Variants in CEP128 observed in about 807,000 individuals in gnomAD.
CEP128 encodes the protein centrosomal protein 128kDa.
Under a neutral mutation model 156.7 loss-of-function variants are expected in CEP128, and 132 were observed. The ratio of observed to expected loss-of-function variants is 0.84; its 90% CI spans 0.73 to 0.97. The LOEUF is 0.97. CEP128 is among the 50% of genes least tolerant of loss of function. The pLI is 0.00. For missense variants in CEP128, 1,252 were observed against 1,281.9 expected, an observed-to-expected ratio of 0.98 and a Z score of 0.36; for synonymous variants, 469 against 448.9, an observed-to-expected ratio of 1.04 and a Z score of -0.57.
intron 20 of CEP128, among the ~76,000 whole-genome samples, chr14:80,559,717 G>C (rs2140368733): frequency 6.6e-6 from 1 of 152,224 alleles, no homozygotes; most frequent in Admixed American, 6.5e-5. Context: ...CGAAAAATGT[G>C]GTCTCCACAA....
At chr14:80,572,861 C>G (rs1891202165) in intron 20 of CEP128, among the ~76,000 whole-genome samples, 1 of 152,158 alleles carries the variant, frequency 6.6e-6, no homozygotes, top group Admixed American at 6.5e-5. Flanking sequence ...GAAGATGAGT[C>G]AAATCATCTT....
At chr14:80,873,144 C>T (rs1283845757) in intron 8 of CEP128, among the ~76,000 whole-genome samples, 1 of 152,124 alleles carries the variant, frequency 6.6e-6, no homozygotes, top group Non-Finnish European at 1.5e-5. Flanking sequence ...AGGCTGTGTC[C>T]TCATGAGCTG....
intron 16 of CEP128, among the ~76,000 whole-genome samples, chr14:80,764,069 C>T (rs1045057576): frequency 1.3e-5 from 2 of 152,212 alleles, no homozygotes; most frequent in Admixed American, 1.3e-4. Flanking sequence ...TCATCCACTA[C>T]TACTTTTCTG....
At chr14:80,647,057 A>ATGTGTGCATG (rs1894679554) in intron 19 of CEP128, among the ~76,000 whole-genome samples, 1 of 35,008 alleles carries the variant, frequency 2.9e-5, no homozygotes, top group Admixed American at 3.0e-4. Context: ...ATATATATAT[A>ATGTGTGCATG]TATATATATA....
intron 21 of CEP128, among the ~76,000 whole-genome samples, chr14:80,554,664 G>A (rs142296540): frequency 0.012 from 1,789 of 151,866 alleles, 32 homozygotes; most frequent in African/African-American, 0.041. Context: ...ACTTTGTTAT[G>A]TGGTTAAATT....
intron 4 of CEP128, among the ~76,000 whole-genome samples, chr14:80,912,119 AGGCAGGAGAAT>A (rs1368390968): frequency 1.3e-5 from 2 of 150,630 alleles, no homozygotes; most frequent in Non-Finnish European, 2.9e-5. Context: ...CGGGAGGCTG[AGGCAGGAGAAT>A]CGCTTAAACC....
At chr14:80,916,251 C>T in intron 3 of CEP128, 150 bp downstream of exon 3, 1 of 646,924 alleles carries the variant, frequency 1.5e-6, no homozygotes, top group Non-Finnish European at 2.6e-6. Context: ...TTCTGATGTA[C>T]AAGACCTTAA....
chr14:80,622,344 C>T (rs1003722184), intron 19 of CEP128, among the ~76,000 whole-genome samples: 1 of 151,718 alleles, frequency 6.6e-6, no homozygotes, highest in South Asian at 2.1e-4. Context: ...AGACCTAAAA[C>T]CATAAAAACC....
chr14:80,938,802 G>C lies in CEP128; in HGVS notation c.-16+583C>G, dbSNP rs144089499. On this transcript the variant is annotated intron_variant, in intron 2 of 24. Transcript: ENST00000555265. ...CACTATATTTTTTTTAAAAAACTAA[G>C]AAAGATAATAGAACTTTTTGAACAT... Among the ~76,000 whole-genome samples the C allele has an allele frequency of 4.4e-3, 671 of 152,066 alleles. 1 individual carries two copies. The highest frequency in any genetic ancestry group is 8.9e-3 in the South Asian group (43 of 4,812).
intron 2 of CEP128, chr14:80,955,915 A>G: frequency 6.2e-7 from 1 of 1,603,676 alleles, no homozygotes; most frequent in Non-Finnish European, 8.5e-7. Context: ...GGTGGCCCGA[A>G]GTGCACAAAA....
At position 80,558,299 on chromosome 14, in the gene CEP128, CT is replaced by C. The variant is rs1555374721; in HGVS notation, c.2880+979del. ...TTGACAGTAAGTTGGTTTTCCTTTA[CT>C]TTTTTTTTTTGAGACAGAGTCTTGC... On this transcript the variant is annotated intron_variant, in intron 21 of 24. Transcript: ENST00000555265. Among the ~76,000 whole-genome samples the C allele has an allele frequency of 5.2e-3, 771 of 147,096 alleles. 13 individuals are homozygous for C. The highest frequency in any genetic ancestry group is 0.017 in the African/African-American group (691 of 40,422).
intron 21 of CEP128, among the ~76,000 whole-genome samples, chr14:80,544,544 C>T (rs147599344): frequency 1.4e-4 from 21 of 152,250 alleles, no homozygotes; most frequent in Non-Finnish European, 2.5e-4. Context: ...AACCTCATGA[C>T]CTCATGACCT....
intron 7 of CEP128, among the ~76,000 whole-genome samples, chr14:80,896,952 CT>C (rs1889375866): frequency 1.3e-5 from 2 of 152,148 alleles, no homozygotes; most frequent in South Asian, 4.1e-4. Context: ...TTCTTAATAT[CT>C]TTATCTTTCT....
At chr14:80,823,569 A>C (rs1885306920) in intron 13 of CEP128, among the ~76,000 whole-genome samples, 3 of 152,032 alleles carry the variant, frequency 2.0e-5, no homozygotes, top group African/African-American at 7.2e-5. Flanking sequence ...TTGTTTATGG[A>C]AAGTATCTTT....
At chr14:80,880,252 A>T (rs1434056207) in intron 8 of CEP128, among the ~76,000 whole-genome samples, 1 of 152,180 alleles carries the variant, frequency 6.6e-6, no homozygotes, top group Admixed American at 6.5e-5. Flanking sequence ...TGATAAGAAA[A>T]AAAAAAGCAT....
At chr14:80,524,106 G>A (rs1888870672) in intron 23 of CEP128, among the ~76,000 whole-genome samples, 1 of 152,158 alleles carries the variant, frequency 6.6e-6, no homozygotes, top group Non-Finnish European at 1.5e-5. Flanking sequence ...AAGGTAACTA[G>A]GTAACTATTC....
At chr14:80,754,148 T>C (rs1014720998) in intron 18 of CEP128, among the ~76,000 whole-genome samples, 2 of 152,196 alleles carry the variant, frequency 1.3e-5, no homozygotes, top group East Asian at 1.9e-4. Flanking sequence ...CAAACAATGC[T>C]CTACTGGATG....
intron 13 of CEP128, among the ~76,000 whole-genome samples, chr14:80,824,654 TCATTTCCATCTGGGA>T (rs1258648650): frequency 2.0e-5 from 3 of 152,226 alleles, no homozygotes; most frequent in Admixed American, 1.3e-4. Flanking sequence ...AACAAGTTGC[TCATTTCCATCTGGGA>T]CCACCTCACC....
In CEP128 at chr14:80,531,265, G is replaced by A. The variant is rs183148751; in HGVS notation, c.2881-379C>T. 2.0e-3 allele frequency among the ~76,000 whole-genome samples: 304 copies of A among 152,272 alleles called. 1 individual carries two copies. The highest frequency in any genetic ancestry group is 3.9e-3 in the Non-Finnish European group (268 of 68,022). ...GTAATACTGAGAAACAGATGAATCT[G>A]CAGTTACTTATCTATGGAGTATATT... On this transcript the variant is annotated intron_variant, in intron 21 of 24. Transcript: ENST00000555265.
Sources: allele counts gnomAD v4.1 joint callset (sites outside exome capture counted in the v4.1 genomes callset), GRCh38; gene constraint gnomAD v4.1.1; transcripts MANE v1.5; gene names NCBI Gene and HGNC (gene_info 2026-07-23, HGNC 2026-07-21).